The following SRGAP3 variants were observed in gnomAD, a reference collection of about 807,000 sequenced individuals.
SRGAP3 encodes the protein SLIT-ROBO Rho GTPase-activating protein 3.
In SRGAP3, 39 loss-of-function variants were observed where a neutral mutation model predicts 121.1. That is an observed-to-expected ratio of 0.32 (90% CI 0.25 to 0.42). The LOEUF is 0.42. Among genes scored for constraint, SRGAP3 ranks in the 10% least tolerant of loss-of-function variants. The pLI is 1.00. For synonymous variants in SRGAP3, 601 were observed against 570.0 expected (o/e 1.05, Z -0.77); for missense variants, 1,213 against 1,470.6 (o/e 0.82, Z 2.86).
At chr3:9,327,677 C>T (rs1044628361) in intron 2 of SRGAP3, among the ~76,000 whole-genome samples, 1 of 152,204 alleles carries the variant, frequency 6.6e-6, no homozygotes, top group Non-Finnish European at 1.5e-5. Flanking sequence ...CCAGGCCTTA[C>T]CTAGCTGTAA....
intron 1 of SRGAP3, among the ~76,000 whole-genome samples, chr3:9,237,892 G>C: frequency 6.6e-6 from 1 of 152,246 alleles, no homozygotes; most frequent in East Asian, 1.9e-4. Flanking sequence ...GCTGGCTGCT[G>C]TGGGGAGAGT....
At chr3:9,182,057 T>C (rs1309345560) in intron 1 of SRGAP3, among the ~76,000 whole-genome samples, 2 of 150,948 alleles carry the variant, frequency 1.3e-5, no homozygotes, top group Non-Finnish European at 2.9e-5. Flanking sequence ...ATGCCTCTAG[T>C]CCCATCTACT....
chr3:9,009,731 TTC>T (rs956063532), intron 18 of SRGAP3, among the ~76,000 whole-genome samples: 2 of 150,410 alleles, frequency 1.3e-5, no homozygotes, highest in Admixed American at 6.6e-5. Flanking sequence ...TGACTGGCCT[TTC>T]TCTCTCTCTC....
rs187755021 is a variant in SRGAP3 at position 9,192,189 on chromosome 3, C to T, written c.67+56696G>A. 9.8e-5 allele frequency among the ~76,000 whole-genome samples: 15 copies of T among 152,334 alleles called. No homozygotes were observed. In the East Asian group the frequency reaches 2.9e-3, roughly 29 times the overall value. On this transcript the variant is annotated intron_variant, in intron 1 of 21. Coordinates refer to ENST00000383836, the MANE Select transcript of SRGAP3 (RefSeq NM_014850.4). ...AACTCTGCACCTTCCAAAGAAAGAA[C>T]TGGCCCTTGACCAGCCCCCGGGAAA...
At chr3:9,051,105 C>T in intron 9 of SRGAP3, among the ~76,000 whole-genome samples, 1 of 139,222 alleles carries the variant, frequency 7.2e-6, no homozygotes, top group African/African-American at 2.7e-5. Context: ...CAGTTCACTG[C>T]AGTCTCAACC....
chr3:9,172,812 C>T (rs187113704), intron 1 of SRGAP3, among the ~76,000 whole-genome samples: 4 of 152,316 alleles, frequency 2.6e-5, no homozygotes, highest in Admixed American at 2.0e-4. Context: ...GAAGGGCAAG[C>T]GCAGACTAGA....
At chr3:9,164,370 A>T (rs1950708774) in intron 1 of SRGAP3, among the ~76,000 whole-genome samples, 1 of 151,260 alleles carries the variant, frequency 6.6e-6, no homozygotes, top group South Asian at 2.1e-4. Flanking sequence ...AGCTCACTGC[A>T]ACTCCACCTC....
At chr3:9,048,838 T>C (rs1245264745) in intron 9 of SRGAP3, among the ~76,000 whole-genome samples, 1 of 151,668 alleles carries the variant, frequency 6.6e-6, no homozygotes, top group Non-Finnish European at 1.5e-5. Context: ...AAAAAATAAA[T>C]AAATCAAATA....
chr3:9,147,656 G>A (rs1950071800), intron 1 of SRGAP3, among the ~76,000 whole-genome samples: 2 of 152,182 alleles, frequency 1.3e-5, no homozygotes, highest in Non-Finnish European at 2.9e-5. Flanking sequence ...ATTCATGAGA[G>A]AGGAAAGAAA....
At chr3:9,092,404 T>C (rs1290168426) in intron 3 of SRGAP3, among the ~76,000 whole-genome samples, 1 of 152,140 alleles carries the variant, frequency 6.6e-6, no homozygotes, top group East Asian at 2.0e-4. Context: ...CAATAATAGT[T>C]ATTGTTTCTT....
rs113669799 is a variant in SRGAP3 at position 9,012,646 on chromosome 3, G to T, written c.2147+662C>A. 2.6e-5 allele frequency among the ~76,000 whole-genome samples: 4 copies of T among 152,276 alleles called. 1 individual carries two copies. The highest frequency in any genetic ancestry group is 9.6e-5 in the African/African-American group (4 of 41,546). On this transcript the variant is annotated intron_variant, in intron 17 of 21. Coordinates refer to ENST00000383836, the MANE Select transcript of SRGAP3 (RefSeq NM_014850.4). ...AAAAGAGAACTCCTAGGTGAGAGGAGACAAGGGTAGGAAGTGTCACAGTCA... is the reference window on the plus strand; with the variant it reads ...AAAAGAGAACTCCTAGGTGAGAGGATACAAGGGTAGGAAGTGTCACAGTCA...
chr3:9,101,915 T>C (rs1446751040), intron 3 of SRGAP3, among the ~76,000 whole-genome samples: 1 of 152,144 alleles, frequency 6.6e-6, no homozygotes, highest in Non-Finnish European at 1.5e-5. Flanking sequence ...CCTCTAGTCA[T>C]AAGAACAGAC....
chr3:9,017,983 C>G (rs1056031423), intron 14 of SRGAP3, among the ~76,000 whole-genome samples: 1 of 152,200 alleles, frequency 6.6e-6, no homozygotes, highest in African/African-American at 2.4e-5. Context: ...TCTGTACCCA[C>G]TAACCAACCT....
Position 8,988,023 on chromosome 3 carries a change from C to G in SRGAP3, c.2887-2091G>C, listed in dbSNP as rs140279106. On this transcript the variant is annotated intron_variant, in intron 21 of 21. Coordinates refer to ENST00000383836, the MANE Select transcript of SRGAP3 (RefSeq NM_014850.4). ...CCCTCTACCACCATCCCCACCCGCCCCACCACTCTACCCCAGCAGAGTAAG... is the reference window on the plus strand; with the variant it reads ...CCCTCTACCACCATCCCCACCCGCCGCACCACTCTACCCCAGCAGAGTAAG... 1.1e-4 allele frequency among the ~76,000 whole-genome samples: 16 copies of G among 152,310 alleles called. 1 individual carries two copies. In the East Asian group the frequency reaches 3.1e-3, roughly 29 times the overall value.
chr3:8,983,994 C>G lies in SRGAP3; in HGVS notation c.*1525G>C. 1 of 230,392 alleles carries G rather than the reference C, an allele frequency of 4.3e-6. No individual in the cohort carries two copies. The highest frequency in any genetic ancestry group is 8.6e-6 in the Non-Finnish European group (1 of 116,294). 14.3% of individuals were successfully genotyped at this position (230,392 alleles called of 1,614,324 possible). On this transcript the variant is annotated 3_prime_UTR_variant, in exon 22 of 22. Coordinates refer to ENST00000383836, the MANE Select transcript of SRGAP3 (RefSeq NM_014850.4). ...GGCCCACAGGGCACACAGATTTGCC[C>G]GTGTGCCATTATCCAGAAACAGCTC...
intron 3 of SRGAP3, among the ~76,000 whole-genome samples, chr3:9,278,591 C>T (rs1193151685): frequency 2.6e-5 from 4 of 152,184 alleles, no homozygotes; most frequent in African/African-American, 7.2e-5. Context: ...TGCTTTGTGT[C>T]TTGTGAAATG....
intron 1 of SRGAP3, among the ~76,000 whole-genome samples, chr3:9,352,526 G>C (rs773455179): frequency 6.6e-6 from 1 of 152,056 alleles, no homozygotes; most frequent in Non-Finnish European, 1.5e-5. Flanking sequence ...CACCCACCTC[G>C]GCCTCCCAAA....
chr3:9,051,412 A>G (rs1444457086), intron 9 of SRGAP3, among the ~76,000 whole-genome samples: 3 of 152,198 alleles, frequency 2.0e-5, no homozygotes, highest in African/African-American at 7.2e-5. Flanking sequence ...CTGAATCTGC[A>G]GGTGACACAG....
rs373527995 is a variant in SRGAP3 at position 9,249,369 on chromosome 3, TACAC to T, written c.-422_-419del. On this transcript the variant is annotated 5_prime_UTR_variant, in exon 1 of 22. An upstream open reading frame in the 5' UTR loses its in-frame stop. Coordinates refer to ENST00000383836, the MANE Select transcript of SRGAP3 (RefSeq NM_014850.4). ...CACAGTTGTGCTGTGCACACAGGCATACACACACACACCCTCACACGCACACACA... is the reference window on the plus strand; with the variant it reads ...CACAGTTGTGCTGTGCACACAGGCATACACACACCCTCACACGCACACACA... 2 of 361,878 alleles carry T rather than the reference TACAC, an allele frequency of 5.5e-6. No individual in the cohort carries two copies. Among genetic ancestry groups the T allele is most frequent in the African/African-American group, 2.0e-5 (1 of 49,040 alleles). The allele number at this position is 361,878 out of a possible 1,614,324, so 22.4% of individuals were successfully genotyped here.
Sources: allele counts gnomAD v4.1 joint callset (sites outside exome capture counted in the v4.1 genomes callset), GRCh38; gene constraint gnomAD v4.1.1; transcripts MANE v1.5; gene names NCBI Gene and HGNC (gene_info 2026-07-23, HGNC 2026-07-21).